The following TAFA2 variants were observed in gnomAD, a reference collection of about 807,000 sequenced individuals.
TAFA2 encodes the protein TAFA chemokine like family member 2.
Under a neutral mutation model 18.8 loss-of-function variants are expected in TAFA2, and 7 were observed. The observed-to-expected ratio is 0.37, with a 90% CI of 0.21 to 0.70. The LOEUF (loss-of-function observed/expected upper bound fraction) is 0.70, where lower values mean the gene tolerates loss of function less well. Among genes scored for constraint, TAFA2 ranks in the 30% least tolerant of loss-of-function variants. The pLI is 0.53. For missense variants in TAFA2, 122 were observed against 158.1 expected (o/e 0.77, Z 1.23); for synonymous variants, 60 against 54.2 (o/e 1.11, Z -0.47).
At chr12:61,974,363 T>C (rs1402444987) in intron 1 of TAFA2, among the ~76,000 whole-genome samples, 3 of 151,824 alleles carry the variant, frequency 2.0e-5, no homozygotes, top group South Asian at 2.1e-4. Flanking sequence ...ATTCCAATTC[T>C]AAGCAGTAGT....
intron 1 of TAFA2, among the ~76,000 whole-genome samples, chr12:62,032,046 T>C (rs1881472856): frequency 6.6e-6 from 1 of 152,176 alleles, no homozygotes; most frequent in Non-Finnish European, 1.5e-5. Flanking sequence ...GTTTATAACT[T>C]AAATAACATT....
intron 1 of TAFA2, among the ~76,000 whole-genome samples, chr12:62,217,680 C>G (rs1227075717): frequency 6.6e-6 from 1 of 152,200 alleles, no homozygotes; most frequent in Non-Finnish European, 1.5e-5. Context: ...GAGCTTCCCT[C>G]GAGGTGGCTG....
intron 2 of TAFA2, among the ~76,000 whole-genome samples, chr12:61,792,879 A>C (rs1871041253): frequency 6.6e-6 from 1 of 151,612 alleles, no homozygotes; most frequent in Admixed American, 6.6e-5. Context: ...AAAAATAGTA[A>C]GAATATAGAA....
intron 1 of TAFA2, among the ~76,000 whole-genome samples, chr12:62,075,048 T>A (rs1430203018): frequency 6.6e-6 from 1 of 152,160 alleles, no homozygotes; most frequent in Non-Finnish European, 1.5e-5. Context: ...TCATCACAAA[T>A]GAAATATGGA....
intron 4 of TAFA2, among the ~76,000 whole-genome samples, chr12:61,724,915 T>C (rs1870087909): frequency 6.7e-6 from 1 of 149,566 alleles, no homozygotes. Flanking sequence ...ATAGTGGTTG[T>C]ACTAGTTTAC....
intron 4 of TAFA2, among the ~76,000 whole-genome samples, chr12:61,751,667 A>T (rs1592365311): frequency 6.6e-6 from 1 of 152,036 alleles, no homozygotes; most frequent in Non-Finnish European, 1.5e-5. Flanking sequence ...GCTATCCTCT[A>T]TATAGAGGAT....
At chr12:62,033,319 C>G (rs1345834703) in intron 1 of TAFA2, among the ~76,000 whole-genome samples, 1 of 152,116 alleles carries the variant, frequency 6.6e-6, no homozygotes, top group Admixed American at 6.5e-5. Context: ...ATTCCCAAAA[C>G]CCTAATATTA....
intron 2 of TAFA2, among the ~76,000 whole-genome samples, chr12:61,796,380 T>C (rs937167791): frequency 4.6e-5 from 7 of 152,112 alleles, no homozygotes; most frequent in African/African-American, 1.7e-4. Context: ...ACAACATGGA[T>C]GTTTCTCAAA....
chr12:62,222,022 T>C (rs905012595), intron 1 of TAFA2, among the ~76,000 whole-genome samples: 7 of 151,390 alleles, frequency 4.6e-5, no homozygotes, highest in Middle Eastern at 6.8e-3. Context: ...AAGCAAAGAG[T>C]CTAAGAAGAT....
At chr12:62,154,464 T>G (rs1467814870) in intron 1 of TAFA2, among the ~76,000 whole-genome samples, 1 of 152,152 alleles carries the variant, frequency 6.6e-6, no homozygotes, top group Non-Finnish European at 1.5e-5. Flanking sequence ...TAGACACATT[T>G]CTAGCCCAGT....
chr12:62,199,076 G>C (rs2062660798), intron 1 of TAFA2, among the ~76,000 whole-genome samples: 1 of 152,192 alleles, frequency 6.6e-6, no homozygotes, highest in Admixed American at 6.5e-5. Context: ...TCCCGACTCG[G>C]TTGGGCTTAC....
intron 1 of TAFA2, among the ~76,000 whole-genome samples, chr12:61,869,723 A>C (rs1874512222): frequency 6.6e-6 from 1 of 152,166 alleles, no homozygotes; most frequent in Admixed American, 6.5e-5. Context: ...ATTCTCAGTA[A>C]ACCAAATGTC....
At chr12:62,185,301 C>A (rs936870940) in intron 1 of TAFA2, among the ~76,000 whole-genome samples, 1 of 152,124 alleles carries the variant, frequency 6.6e-6, no homozygotes, top group African/African-American at 2.4e-5. Context: ...GATTTCAATG[C>A]CCTCTCATTC....
At chr12:61,749,993 C>CCCCA (rs1555161293) in intron 4 of TAFA2, among the ~76,000 whole-genome samples, 14 of 148,880 alleles carry the variant, frequency 9.4e-5, no homozygotes, top group African/African-American at 3.5e-4. Flanking sequence ...TCAAAACACC[C>CCCCA]CACACACACA....
intron 2 of TAFA2, among the ~76,000 whole-genome samples, chr12:61,794,470 A>T (rs2120937422): frequency 6.6e-6 from 1 of 152,200 alleles, no homozygotes; most frequent in African/African-American, 2.4e-5. Flanking sequence ...CTGAGAAAAG[A>T]TGTGTAAGAT....
At chr12:62,206,367 T>C (rs1306127528) in intron 1 of TAFA2, among the ~76,000 whole-genome samples, 1 of 152,218 alleles carries the variant, frequency 6.6e-6, no homozygotes, top group Non-Finnish European at 1.5e-5. Flanking sequence ...CATTCACCAA[T>C]ACCATGAAAC....
chr12:61,758,086 G>GT (rs1241955553), intron 2 of TAFA2, among the ~76,000 whole-genome samples: 2 of 152,028 alleles, frequency 1.3e-5, no homozygotes, highest in African/African-American at 2.4e-5. Context: ...AGGCACTTCT[G>GT]TAAGTGTTAG....
At chr12:61,939,985 T>C (rs1270947395) in intron 1 of TAFA2, among the ~76,000 whole-genome samples, 1 of 152,204 alleles carries the variant, frequency 6.6e-6, no homozygotes, top group African/African-American at 2.4e-5. Context: ...CTTCCTCATA[T>C]GTAAAATTGG....
intron 1 of TAFA2, among the ~76,000 whole-genome samples, chr12:62,112,517 T>C (rs1320919794): frequency 6.6e-6 from 1 of 152,106 alleles, no homozygotes; most frequent in Non-Finnish European, 1.5e-5. Context: ...GTATTTCTAA[T>C]TTGAATGTTG....
Sources: gnomAD v4.1 joint callset for allele counts (sites outside exome capture counted in the v4.1 genomes callset) on GRCh38, gnomAD v4.1.1 for gene constraint, MANE v1.5 for transcripts, NCBI Gene and HGNC (gene_info 2026-07-23, HGNC 2026-07-21) for gene names.